MTUS2: variants seen among roughly 807,000 people sequenced by gnomAD.
MTUS2 encodes the protein microtubule associated scaffold protein 2, also known as microtubule-associated tumor suppressor candidate 2.
Under a neutral mutation model 114.1 loss-of-function variants are expected in MTUS2, and 40 were observed. The ratio of observed to expected loss-of-function variants is 0.35; its 90% confidence interval spans 0.27 to 0.46. The LOEUF is 0.46. Ranked by LOEUF, MTUS2 falls within the 20% of genes least tolerant of loss-of-function variation. The pLI is 1.00. For missense variants in MTUS2, 1,679 were observed against 1,705.4 expected (o/e 0.98, Z 0.27); for synonymous variants, 688 against 672.0 (o/e 1.02, Z -0.37).
intron 5 of MTUS2, among the ~76,000 whole-genome samples, chr13:29,259,455 G>C (rs374807532): frequency 1.3e-5 from 2 of 152,234 alleles, no homozygotes; most frequent in Non-Finnish European, 2.9e-5. Context: ...TTAAGACTTC[G>C]TGTTGAAGCT....
At chr13:28,984,558 G>A (rs766440542) in intron 2 of MTUS2, among the ~76,000 whole-genome samples, 11 of 152,202 alleles carry the variant, frequency 7.2e-5, no homozygotes, top group Non-Finnish European at 1.2e-4. Context: ...GAAGGTCAGC[G>A]TGCCTACGAT....
chr13:29,112,953 C>T (rs1340246670), intron 5 of MTUS2, among the ~76,000 whole-genome samples: 1 of 152,118 alleles, frequency 6.6e-6, no homozygotes, highest in Non-Finnish European at 1.5e-5. Flanking sequence ...TTGAGTAATA[C>T]ACTGAGTCAG....
At chr13:29,209,724 A>G (rs1454122860) in intron 5 of MTUS2, among the ~76,000 whole-genome samples, 1 of 152,144 alleles carries the variant, frequency 6.6e-6, no homozygotes, top group Non-Finnish European at 1.5e-5. Context: ...TTGGCTGACA[A>G]ATTGTTTTGT....
intron 4 of MTUS2, among the ~76,000 whole-genome samples, chr13:29,083,610 G>A (rs1889541096): frequency 6.6e-6 from 1 of 152,124 alleles, no homozygotes; most frequent in African/African-American, 2.4e-5. Context: ...TAGCACTATG[G>A]CATTAAGGTT....
At chr13:28,940,793 A>G (rs1173582481) in intron 2 of MTUS2, among the ~76,000 whole-genome samples, 2 of 152,182 alleles carry the variant, frequency 1.3e-5, no homozygotes, top group Non-Finnish European at 2.9e-5. Context: ...CAAACAAATC[A>G]TGAGAGACAC....
At chr13:29,389,089 G>A (rs911196040) in intron 8 of MTUS2, among the ~76,000 whole-genome samples, 9 of 151,732 alleles carry the variant, frequency 5.9e-5, no homozygotes, top group Non-Finnish European at 1.2e-4. Flanking sequence ...CATACTTGAT[G>A]CCTTTATTCT....
chr13:29,321,530 A>G (rs1000462791), intron 6 of MTUS2, among the ~76,000 whole-genome samples: 2 of 152,208 alleles, frequency 1.3e-5, no homozygotes, highest in Non-Finnish European at 2.9e-5. Flanking sequence ...TTGTGTTCCT[A>G]TGGTAAGTTT....
At chr13:29,139,324 T>G (rs991105859) in intron 5 of MTUS2, among the ~76,000 whole-genome samples, 4 of 152,246 alleles carry the variant, frequency 2.6e-5, no homozygotes, top group African/African-American at 9.6e-5. Flanking sequence ...TTCTTTACAC[T>G]ATGCATTTCT....
At chr13:29,420,108 T>G (rs938248968) in intron 8 of MTUS2, among the ~76,000 whole-genome samples, 2 of 152,152 alleles carry the variant, frequency 1.3e-5, no homozygotes, top group Non-Finnish European at 2.9e-5. Flanking sequence ...CTCCATCTTA[T>G]AGAGAAGAAA....
intron 5 of MTUS2, among the ~76,000 whole-genome samples, chr13:29,142,369 C>T (rs557639286): frequency 5.9e-5 from 9 of 152,206 alleles, no homozygotes; most frequent in Admixed American, 4.6e-4. Flanking sequence ...AATGCTGATG[C>T]TCCTGGTCCA....
intron 8 of MTUS2, among the ~76,000 whole-genome samples, chr13:29,421,953 C>G (rs1876139578): frequency 6.6e-6 from 1 of 152,180 alleles, no homozygotes; most frequent in African/African-American, 2.4e-5. Flanking sequence ...TAACATTGAC[C>G]TGCATGTTTC....
chr13:28,935,713 C>T (rs566096147), intron 2 of MTUS2, among the ~76,000 whole-genome samples: 1 of 152,188 alleles, frequency 6.6e-6, no homozygotes, highest in African/African-American at 2.4e-5. Context: ...CAATTATAAA[C>T]ATTTTAACTC....
Position 28,902,722 on chromosome 13 carries a change from A to G in MTUS2, c.-243+62872A>G, listed in dbSNP as rs150340557. 9.8e-4 allele frequency among the ~76,000 whole-genome samples: 149 copies of G among 152,254 alleles called. 1 individual carries two copies. Among genetic ancestry groups the G allele is most frequent in the African/African-American group, 3.4e-3 (142 of 41,554 alleles). On this transcript the variant is annotated intron_variant, in intron 2 of 15. Coordinates refer to ENST00000612955, the MANE Select transcript of MTUS2 (RefSeq NM_001033602.4). ...ACACTGTTTGACTCAATTTGCTAAT[A>G]TTATGTTTAGGATTTTTTGTGACTA... is the stretch of plus-strand genomic sequence containing the variant.
chr13:29,148,628 G>A (rs1385189900), intron 5 of MTUS2, among the ~76,000 whole-genome samples: 2 of 115,060 alleles, frequency 1.7e-5, no homozygotes, highest in Admixed American at 1.9e-4. Context: ...ACAGGCGCCC[G>A]CCACCACGCC....
At chr13:29,399,338 C>T (rs184284473) in intron 8 of MTUS2, among the ~76,000 whole-genome samples, 41 of 152,212 alleles carry the variant, frequency 2.7e-4, no homozygotes, top group Middle Eastern at 6.8e-3. Context: ...TATCTTGTGC[C>T]GACCTCCTGT....
At chr13:29,141,133 T>G (rs927742633) in intron 5 of MTUS2, among the ~76,000 whole-genome samples, 1 of 152,226 alleles carries the variant, frequency 6.6e-6, no homozygotes, top group Admixed American at 6.5e-5. Flanking sequence ...CTTTACCCAC[T>G]TATATTTTTC....
At chr13:29,080,600 A>AGTCTGGTCTG (rs1351732567) in intron 4 of MTUS2, among the ~76,000 whole-genome samples, 2 of 152,190 alleles carry the variant, frequency 1.3e-5, no homozygotes, top group African/African-American at 4.8e-5. Flanking sequence ...AGGCTAAGCC[A>AGTCTGGTCTG]GTCTGGTCTT....
chr13:29,048,361 T>A (rs1438030645), intron 4 of MTUS2, among the ~76,000 whole-genome samples: 2 of 152,262 alleles, frequency 1.3e-5, no homozygotes, highest in African/African-American at 2.4e-5. Context: ...TTTCAATTGA[T>A]TGCATCTTCT....
chr13:29,027,718 C>G (rs1246848848), intron 3 of MTUS2, among the ~76,000 whole-genome samples: 1 of 151,908 alleles, frequency 6.6e-6, no homozygotes, highest in Non-Finnish European at 1.5e-5. Context: ...CGCCTGGCTA[C>G]TTTTTTGTAT....
Sources: gnomAD v4.1 joint callset for allele counts (sites outside exome capture counted in the v4.1 genomes callset) on GRCh38, gnomAD v4.1.1 for gene constraint, MANE v1.5 for transcripts, NCBI Gene and HGNC (gene_info 2026-07-23, HGNC 2026-07-21) for gene names.